PPFIBP2: variants seen among roughly 807,000 people sequenced by gnomAD.
PPFIBP2 encodes PPFIB scaffold protein 2.
Under a neutral mutation model 118.3 loss-of-function variants are expected in PPFIBP2, and 118 were observed. The observed-to-expected ratio is 1.00, with a 90% CI of 0.86 to 1.16. The LOEUF is 1.16. Among genes scored for constraint, PPFIBP2 ranks in the 50% most tolerant of loss-of-function variants. The pLI is 0.00. For synonymous variants in PPFIBP2, 414 were observed against 397.4 expected (o/e 1.04, Z -0.50); for missense variants, 1,195 against 1,073.1 (o/e 1.11, Z -1.59).
intron 10 of PPFIBP2, among the ~76,000 whole-genome samples, chr11:7,630,463 C>T (rs749261989): frequency 1.3e-5 from 2 of 152,210 alleles, no homozygotes; most frequent in Non-Finnish European, 2.9e-5. Context: ...AGGCACTGGC[C>T]ACTATACCTG....
downstream of PPFIBP2, chr11:7,655,302 C>G (rs1285218973): frequency 5.0e-6 from 3 of 596,770 alleles, no homozygotes; most frequent in East Asian, 2.0e-4. Flanking sequence ...GCCTGGCCCA[C>G]TCCTTGCCTG....
intron 8 of PPFIBP2, 35 bp downstream of exon 8, chr11:7,625,926 TG>T: frequency 6.6e-7 from 1 of 1,522,930 alleles, no homozygotes; most frequent in Non-Finnish European, 9.1e-7. Flanking sequence ...TGCAGTTGTC[TG>T]GGTCCCTGGG....
At chr11:7,601,524 A>G (rs1861433818) in intron 5 of PPFIBP2, among the ~76,000 whole-genome samples, 1 of 152,114 alleles carries the variant, frequency 6.6e-6, no homozygotes, top group South Asian at 2.1e-4. Flanking sequence ...CTGTCGACAT[A>G]CACATATAGA....
chr11:7,576,209 G>A (rs73411141), intron 3 of PPFIBP2, among the ~76,000 whole-genome samples: 4,805 of 152,354 alleles, frequency 0.032, 281 homozygotes, highest in African/African-American at 0.11. Context: ...GGCCCAGGCA[G>A]TCACAAGCTG....
chr11:7,527,121 G>C (rs1446211141), intron 1 of PPFIBP2, among the ~76,000 whole-genome samples: 2 of 151,516 alleles, frequency 1.3e-5, no homozygotes, highest in Non-Finnish European at 3.0e-5. Flanking sequence ...CCATACCCTA[G>C]GAAGTCTGAC....
intron 1 of PPFIBP2, among the ~76,000 whole-genome samples, chr11:7,536,776 G>C (rs139276378): frequency 6.6e-6 from 1 of 152,118 alleles, no homozygotes; most frequent in Non-Finnish European, 1.5e-5. Flanking sequence ...GAGAGTGAGC[G>C]TAAGTTGTGA....
intron 21 of PPFIBP2, among the ~76,000 whole-genome samples, chr11:7,650,088 G>GCC (rs1853753224): frequency 1.3e-5 from 2 of 152,128 alleles, no homozygotes; most frequent in Non-Finnish European, 2.9e-5. Context: ...CCAGGCCCAG[G>GCC]TACAGGGGAT....
At chr11:7,534,963 AG>A (rs1851068680) in intron 1 of PPFIBP2, among the ~76,000 whole-genome samples, 1 of 152,240 alleles carries the variant, frequency 6.6e-6, no homozygotes, top group East Asian at 1.9e-4. Context: ...GCATCACTAC[AG>A]GCCCTGATGG....
chr11:7,537,398 C>T (rs945001057), intron 1 of PPFIBP2, among the ~76,000 whole-genome samples: 7 of 152,204 alleles, frequency 4.6e-5, no homozygotes, highest in Admixed American at 6.5e-5. Context: ...ACTCCCAGAG[C>T]AGGTGGTTTT....
At chr11:7,548,734 G>A (rs1852610631) in intron 1 of PPFIBP2, among the ~76,000 whole-genome samples, 1 of 152,160 alleles carries the variant, frequency 6.6e-6, no homozygotes, top group South Asian at 2.1e-4. Flanking sequence ...GTAGTGGCCG[G>A]ACTGTGTATC....
At chr11:7,660,468 A>AAACC (rs1404160634), downstream of PPFIBP2, among the ~76,000 whole-genome samples, 1 of 148,906 alleles carries the variant, frequency 6.7e-6, no homozygotes, top group Non-Finnish European at 1.5e-5. Flanking sequence ...TGCGTCTATT[A>AAACC]AACCAGCCTT....
In PPFIBP2 at chr11:7,634,456, C is replaced by G. The variant is rs768471326; in HGVS notation, c.1137-39C>G. 17 of 1,499,974 alleles carry G rather than the reference C, an allele frequency of 1.1e-5. No individual in the cohort carries two copies. The East Asian group carries it at 3.6e-4, about 32-fold the overall frequency. 92.9% of individuals were successfully genotyped at this position (1,499,974 alleles called of 1,614,324 possible). ...TCTGCATGAGTGATAACATGTACCTCCTTCTCATAACTATTTCTTTCTTTT... is the reference window on the plus strand; with the variant it reads ...TCTGCATGAGTGATAACATGTACCTGCTTCTCATAACTATTTCTTTCTTTT... On this transcript the variant is annotated intron_variant, in intron 12 of 23. Coordinates refer to ENST00000299492, the MANE Select transcript of PPFIBP2 (RefSeq NM_003621.5).
chr11:7,590,604 A>G (rs1350379819), intron 3 of PPFIBP2, among the ~76,000 whole-genome samples: 1 of 152,208 alleles, frequency 6.6e-6, no homozygotes, highest in Non-Finnish European at 1.5e-5. Context: ...TATTTTAATT[A>G]CTCAATAGAA....
intron 1 of PPFIBP2, among the ~76,000 whole-genome samples, chr11:7,518,761 G>A (rs2134234059): frequency 6.6e-6 from 1 of 152,324 alleles, no homozygotes; most frequent in South Asian, 2.1e-4. Context: ...AGGGAGAAGG[G>A]AACATGAACT....
chr11:7,601,185 C>G (rs904266557), intron 5 of PPFIBP2, among the ~76,000 whole-genome samples: 29 of 152,216 alleles, frequency 1.9e-4, no homozygotes, highest in African/African-American at 7.0e-4. Flanking sequence ...GAACAATATA[C>G]TCACTGTATC....
chr11:7,523,551 C>G lies in PPFIBP2; in HGVS notation c.-37+9430C>G, dbSNP rs989840320. Among the ~76,000 whole-genome samples, 3 of 152,236 alleles carry G rather than the reference C, an allele frequency of 2.0e-5. No homozygotes were observed. The East Asian group carries it at 5.8e-4, about 29-fold the overall frequency. ...TTTCATATTAAGGCCAAAATATGTGCACGAGCCTGCTCACCCATGGTAAAG... is the reference window on the plus strand; with the variant it reads ...TTTCATATTAAGGCCAAAATATGTGGACGAGCCTGCTCACCCATGGTAAAG... On this transcript the variant is annotated intron_variant, in intron 1 of 23. Transcript: ENST00000299492.
At chr11:7,593,771 C>T (rs781585983) in intron 4 of PPFIBP2, among the ~76,000 whole-genome samples, 8 of 152,142 alleles carry the variant, frequency 5.3e-5, no homozygotes, top group Non-Finnish European at 1.2e-4. Flanking sequence ...AAACCTTTTA[C>T]GGAGAAAGAT....
chr11:7,643,691 T>C (rs1466131563), intron 17 of PPFIBP2, among the ~76,000 whole-genome samples: 1 of 152,240 alleles, frequency 6.6e-6, no homozygotes, highest in African/African-American at 2.4e-5. Context: ...TCTGGTGATA[T>C]TTATAATTTC....
At chr11:7,665,826 C>T in the PPFIBP2 span, 7 of 1,533,070 alleles carry the variant, frequency 4.6e-6, no homozygotes, top group Non-Finnish European at 5.2e-6. Context: ...ACGAGGTATA[C>T]CGAGGTGTGT....
Sources: allele counts gnomAD v4.1 joint callset (sites outside exome capture counted in the v4.1 genomes callset), GRCh38; gene constraint gnomAD v4.1.1; transcripts MANE v1.5; gene names NCBI Gene and HGNC (gene_info 2026-07-23, HGNC 2026-07-21).